Variants in SYNDIG1 observed in about 807,000 individuals in gnomAD.
SYNDIG1 encodes synapse differentiation inducing 1.
Under a neutral mutation model 19.4 loss-of-function variants are expected in SYNDIG1, and 9 were observed. The observed-to-expected ratio is 0.46, with a 90% CI of 0.28 to 0.81. The LOEUF (loss-of-function observed/expected upper bound fraction) is 0.81, where lower values mean the gene tolerates loss of function less well. Among genes scored for constraint, SYNDIG1 ranks in the 30% least tolerant of loss-of-function variants. The probability of loss-of-function intolerance (pLI) is 0.12; values close to 1 mark genes in which losing one functional copy is unlikely to be tolerated. For synonymous variants in SYNDIG1, 141 were observed against 145.9 expected, an observed-to-expected ratio of 0.97 and a Z score of 0.24; for missense variants, 311 against 343.3, an observed-to-expected ratio of 0.91 and a Z score of 0.74.
Position 24,546,705 on chromosome 20 carries a change from G to A in SYNDIG1, c.480+3128G>A, listed in dbSNP as rs1027156776. 2.6e-5 allele frequency among the ~76,000 whole-genome samples: 4 copies of A among 152,188 alleles called. No homozygotes were observed. The East Asian group carries it at 7.7e-4, about 29-fold the overall frequency. On this transcript the variant is annotated intron_variant, in intron 2 of 3. Coordinates refer to ENST00000376862, the MANE Select transcript of SYNDIG1 (RefSeq NM_024893.3). Reference sequence around the variant, plus strand: ...AGTCAGTGTGGGAGAGACTGCTTAGGGTCACAATATAGGGAAGTGATAACA... The same window carrying A: ...AGTCAGTGTGGGAGAGACTGCTTAGAGTCACAATATAGGGAAGTGATAACA...
At chr20:24,524,415 G>A (rs1020870465) in intron 1 of SYNDIG1, among the ~76,000 whole-genome samples, 6 of 152,194 alleles carry the variant, frequency 3.9e-5, no homozygotes, top group African/African-American at 1.4e-4. Context: ...GGAGGCCGAG[G>A]CGGGTGGATC....
At chr20:24,619,406 G>T (rs1436542828) in intron 3 of SYNDIG1, among the ~76,000 whole-genome samples, 2 of 152,182 alleles carry the variant, frequency 1.3e-5, no homozygotes, top group African/African-American at 2.4e-5. Context: ...TTTAAATGTT[G>T]CTGTTATGAA....
chr20:24,608,877 T>C (rs116904939), intron 3 of SYNDIG1, among the ~76,000 whole-genome samples: 3,745 of 152,300 alleles, frequency 0.025, 64 homozygotes, highest in African/African-American at 0.036. Context: ...TTAGATGATG[T>C]TCAGAAAAAC....
intron 3 of SYNDIG1, among the ~76,000 whole-genome samples, chr20:24,599,809 A>C (rs2058651293): frequency 6.6e-6 from 1 of 152,246 alleles, no homozygotes; most frequent in Non-Finnish European, 1.5e-5. Context: ...GAGTGGAAAG[A>C]TAGATAACAG....
intron 2 of SYNDIG1, among the ~76,000 whole-genome samples, chr20:24,570,334 CA>C (rs554385887): frequency 6.6e-6 from 1 of 151,796 alleles, no homozygotes; most frequent in African/African-American, 2.4e-5. Context: ...TTTTGCTCTG[CA>C]AAAAAACACT....
intron 3 of SYNDIG1, among the ~76,000 whole-genome samples, chr20:24,595,884 T>A (rs1324879120): frequency 6.6e-6 from 1 of 152,204 alleles, no homozygotes; most frequent in East Asian, 1.9e-4. Flanking sequence ...CTATCAAGCT[T>A]ATTTATTCTT....
intron 2 of SYNDIG1, among the ~76,000 whole-genome samples, chr20:24,572,861 CA>C (rs1342617376): frequency 6.6e-6 from 1 of 152,112 alleles, no homozygotes; most frequent in Non-Finnish European, 1.5e-5. Flanking sequence ...GTGAGATATA[CA>C]GAGGAAAAAT....
At chr20:24,533,152 G>A (rs554670821) in intron 1 of SYNDIG1, among the ~76,000 whole-genome samples, 177 of 152,236 alleles carry the variant, frequency 1.2e-3, no homozygotes, top group Non-Finnish European at 2.2e-3. Context: ...TGAGGACACC[G>A]AGACATGCTC....
chr20:24,553,192 T>C (rs935980691), intron 2 of SYNDIG1, among the ~76,000 whole-genome samples: 2 of 152,020 alleles, frequency 1.3e-5, no homozygotes, highest in African/African-American at 2.4e-5. Context: ...TTGAGTTCAT[T>C]GTAGATTCTG....
At chr20:24,477,335 GT>G (rs11476107) in intron 1 of SYNDIG1, among the ~76,000 whole-genome samples, 19,948 of 149,066 alleles carry the variant, frequency 0.13, 3,515 homozygotes, top group African/African-American at 0.41. Context: ...ACACTGTTTT[GT>G]TTTTTTTTTC....
chr20:24,542,797 C>A (rs1003946963), intron 1 of SYNDIG1, among the ~76,000 whole-genome samples: 6 of 152,198 alleles, frequency 3.9e-5, no homozygotes, highest in Non-Finnish European at 8.8e-5. Flanking sequence ...GAAGCAGAGA[C>A]TTTATAGAGA....
intron 2 of SYNDIG1, among the ~76,000 whole-genome samples, chr20:24,556,749 C>T (rs1235819931): frequency 1.3e-5 from 2 of 152,172 alleles, no homozygotes; most frequent in Non-Finnish European, 2.9e-5. Flanking sequence ...TTTTTTCCTT[C>T]ATTTCAACTT....
rs116565680 is a variant in SYNDIG1 at position 24,591,797 on chromosome 20, G to A, written c.618+6804G>A. On this transcript the variant is annotated intron_variant, in intron 3 of 3. Coordinates refer to ENST00000376862, the MANE Select transcript of SYNDIG1 (RefSeq NM_024893.3). Reference sequence around the variant, plus strand: ...GCTTCCAAGGGTAGAGCCAGGATTCGGTGCCCCCACCATCAATGCCCACTT... The same window carrying A: ...GCTTCCAAGGGTAGAGCCAGGATTCAGTGCCCCCACCATCAATGCCCACTT... Among the ~76,000 whole-genome samples, 391 of 152,230 alleles carry A rather than the reference G, an allele frequency of 2.6e-3. 2 individuals are homozygous for A. The highest frequency in any genetic ancestry group is 8.8e-3 in the African/African-American group (366 of 41,552).
At chr20:24,495,014 C>A (rs1266451429) in intron 1 of SYNDIG1, among the ~76,000 whole-genome samples, 1 of 152,202 alleles carries the variant, frequency 6.6e-6, no homozygotes, top group Non-Finnish European at 1.5e-5. Flanking sequence ...AAAGGTAGAA[C>A]TCAGTTACAA....
intron 2 of SYNDIG1, among the ~76,000 whole-genome samples, chr20:24,568,694 T>C (rs1230357193): frequency 6.6e-6 from 1 of 152,232 alleles, no homozygotes; most frequent in East Asian, 1.9e-4. Flanking sequence ...ATGAGGACTT[T>C]ATGTATTCAT....
chr20:24,486,076 C>A (rs2055948430), intron 1 of SYNDIG1, among the ~76,000 whole-genome samples: 1 of 152,176 alleles, frequency 6.6e-6, no homozygotes, highest in Non-Finnish European at 1.5e-5. Flanking sequence ...GCAGTGGGTC[C>A]CCTATTCAGC....
At chr20:24,504,757 G>T (rs1457465183) in intron 1 of SYNDIG1, among the ~76,000 whole-genome samples, 1 of 152,226 alleles carries the variant, frequency 6.6e-6, no homozygotes, top group Non-Finnish European at 1.5e-5. Flanking sequence ...CTAAACGGGG[G>T]TTGGCATATG....
At chr20:24,551,150 A>G (rs1034736918) in intron 2 of SYNDIG1, among the ~76,000 whole-genome samples, 12 of 152,208 alleles carry the variant, frequency 7.9e-5, no homozygotes, top group African/African-American at 2.2e-4. Flanking sequence ...CTTTGTGGGA[A>G]GATTTTCAAT....
intron 3 of SYNDIG1, among the ~76,000 whole-genome samples, chr20:24,586,478 A>C (rs2058419724): frequency 6.6e-6 from 1 of 152,182 alleles, no homozygotes; most frequent in African/African-American, 2.4e-5. Context: ...TGGGACACAC[A>C]GGAGCTGGAG....
Sources: allele counts gnomAD v4.1 joint callset (sites outside exome capture counted in the v4.1 genomes callset), GRCh38; gene constraint gnomAD v4.1.1; transcripts MANE v1.5; gene names NCBI Gene and HGNC (gene_info 2026-07-23, HGNC 2026-07-21).